The following ZC3H12A variants were observed in gnomAD, a reference collection of about 807,000 sequenced individuals.
The protein encoded by ZC3H12A is zinc finger CCCH-type containing 12A, also known as endoribonuclease ZC3H12A.
ZC3H12A carries 9 observed loss-of-function variants against 29.9 expected under a neutral mutation model. That is an observed-to-expected ratio of 0.30 (90% CI 0.18 to 0.53). The LOEUF is 0.53. ZC3H12A is among the 20% of genes least tolerant of loss of function. The pLI is 0.96. For missense variants in ZC3H12A, 617 were observed against 799.0 expected (o/e 0.77, Z 2.75); for synonymous variants, 323 against 338.1 (o/e 0.96, Z 0.49).
At chr1:37,477,985 C>T (rs1377767050) in intron 2 of ZC3H12A, among the ~76,000 whole-genome samples, 1 of 152,118 alleles carries the variant, frequency 6.6e-6, no homozygotes, top group Non-Finnish European at 1.5e-5. Flanking sequence ...GTGCACTGCC[C>T]TGAGAGCCCT....
rs750574228 is a variant in ZC3H12A at position 37,475,845 on chromosome 1, A to G, written c.349A>G (p.Lys117Glu). The change falls in exon 2 of 6, where the codon AAG becomes GAG. Residue 117 changes from lysine (K) to glutamate (E), a missense_variant. By Grantham distance (56) the Lys-to-Glu change is moderately conservative (BLOSUM62 1). Transcript: ENST00000373087. The surrounding 1 kb of genome is among the most constrained non-coding windows in gnomAD (Gnocchi z 5.2). Reference sequence around the variant, plus strand: ...AGTCCCGCGGGGTGGTGGCACCCCTAAGGCTCCCAACCTGGAGCCTCCACT... The same window carrying G: ...AGTCCCGCGGGGTGGTGGCACCCCTGAGGCTCCCAACCTGGAGCCTCCACT... ...PLVPRGGGTP[K>E]APNLEPPLPE... The G allele has an allele frequency of 3.3e-5, 52 of 1,593,880 alleles. 2 individuals carry two copies. The East Asian group carries it at 1.1e-3, about 34-fold the overall frequency.
chr1:37,475,366 GTGCCACCA>G lies in ZC3H12A; in HGVS notation c.-38-92_-38-85del. The G allele has an allele frequency of 3.0e-6, 3 of 985,764 alleles. No homozygotes were observed. The highest frequency in any genetic ancestry group is 2.3e-5 in the Admixed American group (1 of 43,320). The allele number at this position is 985,764 out of a possible 1,614,324, so 61.1% of individuals were successfully genotyped here. ...AACTAATAACACGATGCAGTGTGTA[GTGCCACCA>G]ATCCCTCATCCTGCTGGATGTGGTT... On this transcript the variant is annotated intron_variant, in intron 1 of 5. Transcript: ENST00000373087. This position sits in a 1 kb window ranked among gnomAD's most constrained non-coding sequence, Gnocchi z 5.2.
chr1:37,477,338 T>C (rs1641610869), intron 2 of ZC3H12A, among the ~76,000 whole-genome samples: 1 of 152,146 alleles, frequency 6.6e-6, no homozygotes, highest in African/African-American at 2.4e-5. Flanking sequence ...GAGGAGGGGC[T>C]GTGATGAGGG....
chr1:37,482,336 C>T (rs1319967051), intron 4 of ZC3H12A, 98 bp from the exon 5 acceptor site: 1 of 1,067,174 alleles, frequency 9.4e-7, no homozygotes, highest in South Asian at 1.4e-5. Flanking sequence ...GTGTCACTCT[C>T]CTATTCTTCC....
At position 37,475,994 on chromosome 1, in the gene ZC3H12A, A is replaced by C. The variant is rs1294321022; in HGVS notation, c.443+55A>C. On this transcript the variant is annotated intron_variant, in intron 2 of 5. Coordinates refer to ENST00000373087, the MANE Select transcript of ZC3H12A (RefSeq NM_025079.3). The surrounding 1 kb of genome is among the most constrained non-coding windows in gnomAD (Gnocchi z 5.2). ...TGAGGTTCGCATCTCTCCTGTGGCC[A>C]GGACACATGGAAGGATGACTGTCTC... The C allele has an allele frequency of 1.4e-6, 2 of 1,435,456 alleles. No homozygotes were observed. The highest frequency in any genetic ancestry group is 1.8e-6 in the Non-Finnish European group (2 of 1,090,106). 88.9% of individuals were successfully genotyped at this position (1,435,456 alleles called of 1,614,324 possible). A position where few individuals can be genotyped will look rare whatever the true frequency, so the allele number is the denominator to read the frequency against.
In ZC3H12A at chr1:37,475,694, C is replaced by T. The variant is rs1234444215; in HGVS notation, c.198C>T (p.His66=). Reference sequence around the variant, plus strand: ...TGGGCTATTCATCCACGGAGATCCACAGCGTCCTGCAGAAGCTGGGCGTCC... The same window carrying T: ...TGGGCTATTCATCCACGGAGATCCATAGCGTCCTGCAGAAGCTGGGCGTCC... The part of the protein sequence containing the change: ...RKLGYSSTEI[H]SVLQKLGVQA... Residue 66 remains histidine (H), a synonymous_variant, in exon 2 of 6, where the codon CAC becomes CAT. Coordinates refer to ENST00000373087, the MANE Select transcript of ZC3H12A (RefSeq NM_025079.3). The surrounding 1 kb of genome is among the most constrained non-coding windows in gnomAD (Gnocchi z 5.2). 3.3e-5 allele frequency: 53 copies of T among 1,614,010 alleles called. No homozygotes were observed. The highest frequency in any genetic ancestry group is 4.3e-5 in the Non-Finnish European group (51 of 1,180,052).
chr1:37,482,227 G>C, intron 4 of ZC3H12A: 1 of 599,976 alleles, frequency 1.7e-6, no homozygotes, highest in Admixed American at 3.0e-5. Flanking sequence ...AGGTGCCCAT[G>C]GGCTGTGGCC....
Position 37,479,079 on chromosome 1 carries a change from G to A in ZC3H12A, c.444-1211G>A, listed in dbSNP as rs1641647232. ...CCCATTAAAGACACCCACAGGATGT[G>A]GTTGGCCCTGGACTTGCCTCTTTTG... On this transcript the variant is annotated intron_variant, in intron 2 of 5. Transcript: ENST00000373087. This position sits in a 1 kb window ranked among gnomAD's most constrained non-coding sequence, Gnocchi z 4.5. 1 of 985,012 alleles carries A rather than the reference G, an allele frequency of 1.0e-6. No homozygotes were observed. The highest frequency in any genetic ancestry group is 1.8e-5 in the African/African-American group (1 of 57,088). 61.0% of individuals were successfully genotyped at this position (985,012 alleles called of 1,614,324 possible). A position where few individuals can be genotyped will look rare whatever the true frequency, so the allele number is the denominator to read the frequency against.
Position 37,475,597 on chromosome 1 carries a change from C to A in ZC3H12A, c.101C>A (p.Pro34Gln). 2 of 1,614,052 alleles carry A rather than the reference C, an allele frequency of 1.2e-6. No homozygotes were observed. Among genetic ancestry groups the A allele is most frequent in the East Asian group, 4.5e-5 (2 of 44,888 alleles). ...CACAGCCGTCAGGGCACCCCAAGGC[C>A]GGGTCAAGAGCTGGCCGCTGAGGAG... ...DSHSRQGTPRPGQELAAEEAS... is the reference protein window; with the variant it reads ...DSHSRQGTPRQGQELAAEEAS... Residue 34 changes from proline to glutamine, a missense_variant, in exon 2 of 6, where the codon CCG becomes CAG. Around this residue, in one of 5 missense-constraint regions of ZC3H12A, gnomAD observed 67 missense variants for 56.2 expected, o/e 1.19. Transcript: ENST00000373087. The surrounding 1 kb of genome is among the most constrained non-coding windows in gnomAD (Gnocchi z 5.2).
In ZC3H12A at chr1:37,483,777, T is replaced by C. The variant is rs1057232355; in HGVS notation, c.*166T>C. On this transcript the variant is annotated 3_prime_UTR_variant, in exon 6 of 6. Transcript: ENST00000373087. ...CCCACAAACCAAAGATACTGTAGGA[T>C]TGGTTCTGGCCCATGCAGCACCTCT... The C allele has an allele frequency of 2.1e-6, 2 of 959,634 alleles. No individual in the cohort carries two copies. The highest frequency in any genetic ancestry group is 1.7e-5 in the African/African-American group (1 of 60,350). 59.4% of individuals were successfully genotyped at this position (959,634 alleles called of 1,614,324 possible). A position where few individuals can be genotyped will look rare whatever the true frequency, so the allele number is the denominator to read the frequency against.
rs1348954492 is a variant in ZC3H12A at position 37,479,881 on chromosome 1, G to A, written c.444-409G>A. 4 of 1,005,738 alleles carry A rather than the reference G, an allele frequency of 4.0e-6. No individual in the cohort carries two copies. The highest frequency in any genetic ancestry group is 1.7e-5 in the African/African-American group (1 of 58,150). 62.3% of individuals were successfully genotyped at this position (1,005,738 alleles called of 1,614,324 possible). ...CTGTGGTCCCGGCAGCTCGCCGGGT[G>A]GGGCAGGAACCAGAAGTCTCGCGGC... On this transcript the variant is annotated intron_variant, in intron 2 of 5. Coordinates refer to ENST00000373087, the MANE Select transcript of ZC3H12A (RefSeq NM_025079.3). The surrounding 1 kb of genome is among the most constrained non-coding windows in gnomAD (Gnocchi z 4.5).
At chr1:37,480,549 T>G in intron 3 of ZC3H12A, 120 bp downstream of exon 3, 1 of 1,348,330 alleles carries the variant, frequency 7.4e-7, no homozygotes, top group Non-Finnish European at 9.8e-7. Flanking sequence ...CCAGCATTTC[T>G]TTTCTCAGTT....
chr1:37,482,610 CCT>C (rs773412572), intron 5 of ZC3H12A, 70 bp downstream of exon 5: 7 of 1,608,490 alleles, frequency 4.4e-6, no homozygotes, highest in Non-Finnish European at 5.1e-6. Context: ...CTGCCTGTGC[CCT>C]GTTTTCCTCT....
Position 37,475,334 on chromosome 1 carries a change from C to A in ZC3H12A, c.-38-125C>A. On this transcript the variant is annotated intron_variant, in intron 1 of 5. Coordinates refer to ENST00000373087, the MANE Select transcript of ZC3H12A (RefSeq NM_025079.3). This position sits in a 1 kb window ranked among gnomAD's most constrained non-coding sequence, Gnocchi z 5.2. Reference sequence around the variant, plus strand: ...CTAGCTGGGAGAGCTTTTGAGAGGACAACCTGAACTAATAACACGATGCAG... The same window carrying A: ...CTAGCTGGGAGAGCTTTTGAGAGGAAAACCTGAACTAATAACACGATGCAG... The A allele has an allele frequency of 1.3e-6, 1 of 759,220 alleles. No homozygotes were observed. Among genetic ancestry groups the A allele is most frequent in the Non-Finnish European group, 2.1e-6 (1 of 471,620 alleles). 47.0% of individuals were successfully genotyped at this position (759,220 alleles called of 1,614,324 possible).
In ZC3H12A at chr1:37,483,549, CT is replaced by C; in HGVS notation, c.1739del (p.Leu580ArgfsTer44). ...TGTGATGGGGCGCTTCCCACAGCTC[CT>C]GGACCCCCAGCAGCTGGCTGCCGAG... is the stretch of plus-strand genomic sequence containing the variant. ...EAVMGRFPQL[L>X]DPQQLAAEIL... is the part of the protein sequence containing the mutation. On this transcript the variant is annotated frameshift_variant, in exon 6 of 6. Coordinates refer to ENST00000373087, the MANE Select transcript of ZC3H12A (RefSeq NM_025079.3). LOFTEE classifies it high-confidence loss of function. The C allele has an allele frequency of 6.2e-7, 1 of 1,613,502 alleles. No individual in the cohort carries two copies. Among genetic ancestry groups the C allele is most frequent in the Non-Finnish European group, 8.5e-7 (1 of 1,179,896 alleles).
At chr1:37,474,962 C>T (rs1489450472) in intron 1 of ZC3H12A, among the ~76,000 whole-genome samples, 3 of 152,248 alleles carry the variant, frequency 2.0e-5, no homozygotes, top group Non-Finnish European at 4.4e-5. Flanking sequence ...ACGGGTCACC[C>T]CAGAAACTTG....
Position 37,479,672 on chromosome 1 carries a change from C to G in ZC3H12A, c.444-618C>G. The G allele has an allele frequency of 1.0e-6, 1 of 985,386 alleles. No individual in the cohort carries two copies. The highest frequency in any genetic ancestry group is 1.2e-6 in the Non-Finnish European group (1 of 829,924). 61.0% of individuals were successfully genotyped at this position (985,386 alleles called of 1,614,324 possible). A position where few individuals can be genotyped will look rare whatever the true frequency, so the allele number is the denominator to read the frequency against. ...TCTGTCCCATGCTGAAGGCTGGAGTCGCCAGCCCCTTCCCCTTTGCCTTTC... is the reference window on the plus strand; with the variant it reads ...TCTGTCCCATGCTGAAGGCTGGAGTGGCCAGCCCCTTCCCCTTTGCCTTTC... On this transcript the variant is annotated intron_variant, in intron 2 of 5. Transcript: ENST00000373087. This position sits in a 1 kb window ranked among gnomAD's most constrained non-coding sequence, Gnocchi z 4.5.
At position 37,483,163 on chromosome 1, in the gene ZC3H12A, G is replaced by C. The variant is rs773599907; in HGVS notation, c.1352G>C (p.Trp451Ser). The stretch of plus-strand genomic sequence containing the variant: ...CTGGAGAGCCAGATGTCGGAACTTT[G>C]GGGGGTTCGAGGAGGAGGCCCTGGT... ...GSLESQMSELWGVRGGGPGEP... is the reference protein window; with the variant it reads ...GSLESQMSELSGVRGGGPGEP... The change falls in exon 6 of 6, where the codon TGG (tryptophan) becomes TCG (serine). Residue 451 changes from tryptophan (W) to serine (S), a missense_variant. Trp to Ser is a radical substitution (Grantham distance 177). Transcript: ENST00000373087. 67 of 1,613,410 alleles carry C rather than the reference G, an allele frequency of 4.2e-5. No individual in the cohort carries two copies. The highest frequency in any genetic ancestry group is 5.3e-5 in the Non-Finnish European group (63 of 1,179,934).
Position 37,483,299 on chromosome 1 carries a change from C to A in ZC3H12A, c.1488C>A (p.Phe496Leu). The change falls in exon 6 of 6, where the codon TTC becomes TTA. Residue 496 changes from phenylalanine (F) to leucine (L), a missense_variant. By Grantham distance (22) the Phe-to-Leu change is conservative (BLOSUM62 0). This residue lies in a region of ZC3H12A where 172 missense variants were observed against 203.1 expected (regional missense o/e 0.85). Transcript: ENST00000373087. ...AFGRAMGAGH[F>L]SVPADYPPAP... ...GCCGGGCCATGGGTGCTGGCCACTT[C>A]AGTGTCCCTGCCGACTACCCACCCG... The A allele has an allele frequency of 6.2e-7, 1 of 1,614,112 alleles. No individual in the cohort carries two copies. Among genetic ancestry groups the A allele is most frequent in the Non-Finnish European group, 8.5e-7 (1 of 1,180,002 alleles).
Sources: gnomAD v4.1 joint callset for allele counts (sites outside exome capture counted in the v4.1 genomes callset) on GRCh38, gnomAD v4.1.1 for gene constraint, gnomAD v4.1.1 regional missense constraint, Gnocchi (gnomAD v3.1) non-coding constraint, MANE v1.5 for transcripts, NCBI Gene and HGNC (gene_info 2026-07-23, HGNC 2026-07-21) for gene names.